Variants in CSNK1G3 observed in about 807,000 individuals in gnomAD.
CSNK1G3 encodes casein kinase I isoform gamma-3.
CSNK1G3 carries 23 observed loss-of-function variants against 64.3 expected under a neutral mutation model. That is an observed-to-expected ratio of 0.36 (90% CI 0.26 to 0.51). The LOEUF (loss-of-function observed/expected upper bound fraction) is 0.51, where lower values mean the gene tolerates loss of function less well. Among genes scored for constraint, CSNK1G3 ranks in the 20% least tolerant of loss-of-function variants. The probability of loss-of-function intolerance (pLI) is 0.96; values close to 1 mark genes in which losing one functional copy is unlikely to be tolerated. For synonymous variants in CSNK1G3, 158 were observed against 162.2 expected, an observed-to-expected ratio of 0.97 and a Z score of 0.20; for missense variants, 357 against 510.5, an observed-to-expected ratio of 0.70 and a Z score of 2.90.
At chr5:123,527,633 A>G (rs1322402847) in intron 1 of CSNK1G3, among the ~76,000 whole-genome samples, 1 of 152,174 alleles carries the variant, frequency 6.6e-6, no homozygotes, top group African/African-American at 2.4e-5. Flanking sequence ...TAGTCTATGT[A>G]TTAGTAGTTA....
chr5:123,557,191 A>G (rs958160562), intron 3 of CSNK1G3, among the ~76,000 whole-genome samples: 4 of 152,156 alleles, frequency 2.6e-5, no homozygotes, highest in Admixed American at 6.5e-5. Context: ...GAGAAATAGC[A>G]TAAGAGCCAT....
intron 2 of CSNK1G3, among the ~76,000 whole-genome samples, chr5:123,547,770 A>G (rs976710031): frequency 1.3e-5 from 2 of 152,046 alleles, no homozygotes; most frequent in African/African-American, 4.8e-5. Flanking sequence ...GTATACTTAT[A>G]ATATGTACGC....
intron 2 of CSNK1G3, among the ~76,000 whole-genome samples, chr5:123,551,667 C>T (rs182129754): frequency 6.6e-6 from 1 of 152,224 alleles, no homozygotes; most frequent in African/African-American, 2.4e-5. Flanking sequence ...TGCTACTGTT[C>T]ATCAGCTGCT....
chr5:123,610,769 A>G lies in CSNK1G3; in HGVS notation c.1218-3573A>G, dbSNP rs557265819. 5.3e-5 allele frequency among the ~76,000 whole-genome samples: 8 copies of G among 152,234 alleles called. No homozygotes were observed. The South Asian group carries it at 1.7e-3, about 32-fold the overall frequency. On this transcript the variant is annotated intron_variant, in intron 12 of 12. Transcript: ENST00000345990. ...GGTGGAAGGATTGCTTGAGCTCAGG[A>G]GTTTGAGACCAGCCTGGGCAACATA...
intron 1 of CSNK1G3, among the ~76,000 whole-genome samples, chr5:123,522,875 A>G (rs932958763): frequency 5.9e-5 from 9 of 152,154 alleles, no homozygotes; most frequent in Non-Finnish European, 8.8e-5. Flanking sequence ...ATAACGCCAA[A>G]GTTAGAGGAT....
chr5:123,581,363 T>TG (rs966410338), intron 6 of CSNK1G3, among the ~76,000 whole-genome samples: 2 of 31,118 alleles, frequency 6.4e-5, no homozygotes, highest in African/African-American at 1.9e-4. Flanking sequence ...TGGGTTTGTT[T>TG]TTTTTTTTTT....
intron 1 of CSNK1G3, among the ~76,000 whole-genome samples, chr5:123,539,222 G>T (rs1024828031): frequency 6.6e-6 from 1 of 152,096 alleles, no homozygotes; most frequent in South Asian, 2.1e-4. Context: ...GCTGAGGCGG[G>T]TATATTGCTT....
chr5:123,614,088 G>GA (rs891831729), intron 12 of CSNK1G3, among the ~76,000 whole-genome samples: 1 of 152,134 alleles, frequency 6.6e-6, no homozygotes, highest in African/African-American at 2.4e-5. Context: ...TACTCTTAGT[G>GA]AAAAACCTTT....
chr5:123,547,954 G>C (rs907409262), intron 2 of CSNK1G3, among the ~76,000 whole-genome samples: 1 of 152,052 alleles, frequency 6.6e-6, no homozygotes. Flanking sequence ...TATTCTTAAA[G>C]TACTTTCTTT....
At position 123,589,776 on chromosome 5, in the gene CSNK1G3, A is replaced by G. The variant is rs573116944; in HGVS notation, c.845-637A>G. ...ACATTTTGGAATTATAATAGCATGC[A>G]GAGATTTGTATATCGCCAAATAATT... On this transcript the variant is annotated intron_variant, in intron 8 of 12. Transcript: ENST00000345990. 5.3e-5 allele frequency among the ~76,000 whole-genome samples: 8 copies of G among 152,304 alleles called. No homozygotes were observed. In the South Asian group the frequency reaches 1.7e-3, roughly 32 times the overall value.
intron 1 of CSNK1G3, among the ~76,000 whole-genome samples, chr5:123,521,402 T>C (rs980654785): frequency 6.6e-6 from 1 of 152,194 alleles, no homozygotes; most frequent in Non-Finnish European, 1.5e-5. Context: ...CAAATGTTTG[T>C]AGTTAATAAA....
intron 4 of CSNK1G3, among the ~76,000 whole-genome samples, chr5:123,572,250 A>G (rs968641925): frequency 6.6e-6 from 1 of 152,124 alleles, no homozygotes; most frequent in African/African-American, 2.4e-5. Flanking sequence ...GGGTTTTAAT[A>G]CAAGTGACTC....
At chr5:123,571,031 C>T (rs1028810691) in intron 4 of CSNK1G3, among the ~76,000 whole-genome samples, 6 of 152,138 alleles carry the variant, frequency 3.9e-5, no homozygotes, top group South Asian at 2.1e-4. Flanking sequence ...AACCTTTTCT[C>T]CACCTTTACA....
chr5:123,603,914 G>A (rs1422280488), intron 10 of CSNK1G3, among the ~76,000 whole-genome samples: 1 of 152,036 alleles, frequency 6.6e-6, no homozygotes, highest in Non-Finnish European at 1.5e-5. Context: ...TAAGTGAAAC[G>A]GGAAGCCAAC....
At chr5:123,600,976 AT>A (rs985631743) in intron 10 of CSNK1G3, among the ~76,000 whole-genome samples, 6 of 150,488 alleles carry the variant, frequency 4.0e-5, no homozygotes, top group Admixed American at 1.3e-4. Context: ...GTCAGAGGGA[AT>A]TTTTTTTTAA....
intron 10 of CSNK1G3, among the ~76,000 whole-genome samples, chr5:123,593,787 T>TTTATTTAACC (rs1792892216): frequency 6.6e-6 from 1 of 152,088 alleles, no homozygotes; most frequent in African/African-American, 2.4e-5. Flanking sequence ...TTGTACAATT[T>TTTATTTAACC]AGGAAGCTTA....
intron 12 of CSNK1G3, among the ~76,000 whole-genome samples, chr5:123,607,559 G>C (rs1237106335): frequency 6.6e-6 from 1 of 152,156 alleles, no homozygotes; most frequent in East Asian, 1.9e-4. Context: ...CAAATACATA[G>C]ACATCAAAAG....
intron 4 of CSNK1G3, among the ~76,000 whole-genome samples, chr5:123,560,487 A>G (rs1785469835): frequency 6.6e-6 from 1 of 152,212 alleles, no homozygotes; most frequent in Admixed American, 6.5e-5. Flanking sequence ...ATTGACAGAA[A>G]AATGGATAAA....
chr5:123,598,965 C>T (rs1446340129), intron 10 of CSNK1G3, among the ~76,000 whole-genome samples: 6 of 151,994 alleles, frequency 3.9e-5, no homozygotes, highest in Non-Finnish European at 1.5e-5. Context: ...ATGGGGCTGA[C>T]GGGAAAGGAA....
Sources: gnomAD v4.1 joint callset for allele counts (sites outside exome capture counted in the v4.1 genomes callset) on GRCh38, gnomAD v4.1.1 for gene constraint, MANE v1.5 for transcripts, NCBI Gene and HGNC (gene_info 2026-07-23, HGNC 2026-07-21) for gene names.